The following ARMC8 variants were observed in gnomAD, a reference collection of about 807,000 sequenced individuals.
ARMC8 encodes the protein armadillo repeat-containing protein 8.
A neutral mutation model predicts 99.3 loss-of-function variants in ARMC8; 20 were observed. The observed-to-expected ratio is 0.20, with a 90% CI of 0.14 to 0.29. ARMC8 has a LOEUF of 0.29. ARMC8 is among the 10% of genes least tolerant of loss of function. The pLI, the probability that ARMC8 is intolerant of heterozygous loss-of-function variation, is 1.00. For synonymous variants in ARMC8, 263 were observed against 278.3 expected, an observed-to-expected ratio of 0.95 and a Z score of 0.55; for missense variants, 569 against 809.5, an observed-to-expected ratio of 0.70 and a Z score of 3.60.
chr3:138,199,906 T>G (rs550567843), intron 1 of ARMC8, among the ~76,000 whole-genome samples: 1 of 152,330 alleles, frequency 6.6e-6, no homozygotes, highest in South Asian at 2.1e-4. Context: ...TTTTTTGAAC[T>G]GAGGGTTTTG....
chr3:138,189,251 G>C (rs140491537), intron 1 of ARMC8, among the ~76,000 whole-genome samples: 1 of 149,790 alleles, frequency 6.7e-6, no homozygotes, highest in South Asian at 2.1e-4. Flanking sequence ...TTTAGGATTT[G>C]CCTTTAGCCC....
chr3:138,246,335 A>G (rs2046880068), intron 12 of ARMC8: 1 of 985,320 alleles, frequency 1.0e-6, no homozygotes. Flanking sequence ...GTGTATCCCT[A>G]TGAAAATCAT....
intron 17 of ARMC8, among the ~76,000 whole-genome samples, chr3:138,273,821 CTT>C (rs764799623): frequency 1.0e-4 from 15 of 145,098 alleles, no homozygotes; most frequent in Non-Finnish European, 7.6e-5. Context: ...ATGCTTCCCC[CTT>C]TTTTTTTTTT....
intron 6 of ARMC8, among the ~76,000 whole-genome samples, chr3:138,230,013 A>G (rs184469225): frequency 2.6e-5 from 4 of 152,324 alleles, no homozygotes; most frequent in Admixed American, 2.6e-4. Context: ...GAGTTTCTAC[A>G]TTGTAATTTA....
chr3:138,193,871 G>T (rs1450461920), intron 1 of ARMC8, among the ~76,000 whole-genome samples: 2 of 152,086 alleles, frequency 1.3e-5, no homozygotes, highest in African/African-American at 4.8e-5. Flanking sequence ...GAAAACTTAC[G>T]CTCTGTGAAA....
chr3:138,286,046 C>T (rs1049975364), intron 19 of ARMC8, among the ~76,000 whole-genome samples: 4 of 152,150 alleles, frequency 2.6e-5, no homozygotes, highest in African/African-American at 4.8e-5. Flanking sequence ...TAGGTTCAAG[C>T]GATTCTCCTG....
chr3:138,201,436 C>CTTTTTTTTTTTTT lies in ARMC8; in HGVS notation c.46-8352_46-8340dup, dbSNP rs58707271. Among the ~76,000 whole-genome samples the CTTTTTTTTTTTTT allele has an allele frequency of 2.0e-4, 13 of 64,994 alleles. 5 individuals are homozygous for CTTTTTTTTTTTTT. Among genetic ancestry groups the CTTTTTTTTTTTTT allele is most frequent in the Non-Finnish European group, 3.1e-4 (9 of 29,394 alleles). 42.6% of individuals were successfully genotyped at this position (64,994 alleles called of 152,430 possible). On this transcript the variant is annotated intron_variant, in intron 1 of 21. Coordinates refer to ENST00000469044, the MANE Select transcript of ARMC8 (RefSeq NM_001363941.2). ...TAGAGTCCTTGTCTTCTTCCCCTCC[C>CTTTTTTTTTTTTT]TTTTTTTTTTTTTTTTTTTTTTTTT... is the stretch of plus-strand genomic sequence containing the variant.
chr3:138,262,205 T>C, intron 12 of ARMC8: 1 of 196,596 alleles, frequency 5.1e-6, no homozygotes, highest in Non-Finnish European at 1.0e-5. Context: ...TATGAGGGAG[T>C]CACAAAGAGT....
At chr3:138,236,902 A>T (rs2046361649) in intron 7 of ARMC8, among the ~76,000 whole-genome samples, 1 of 152,180 alleles carries the variant, frequency 6.6e-6, no homozygotes. Flanking sequence ...ATTTTATTGT[A>T]ATATTGTTTC....
At chr3:138,243,367 G>C (rs551828575) in intron 11 of ARMC8, among the ~76,000 whole-genome samples, 1 of 152,224 alleles carries the variant, frequency 6.6e-6, no homozygotes, top group African/African-American at 2.4e-5. Flanking sequence ...ATTATCCAAA[G>C]GTTTCTGACC....
intron 2 of ARMC8, among the ~76,000 whole-genome samples, chr3:138,217,796 T>G (rs982838779): frequency 1.3e-5 from 2 of 152,352 alleles, no homozygotes; most frequent in Middle Eastern, 3.4e-3. Context: ...GATAATTCAG[T>G]GTGTACAAAG....
chr3:138,263,936 G>A, intron 13 of ARMC8, 115 bp downstream of exon 13: 1 of 1,099,752 alleles, frequency 9.1e-7, no homozygotes, highest in Middle Eastern at 2.0e-4. Flanking sequence ...AATCTGCTCA[G>A]GTGAATTCAT....
chr3:138,202,071 G>C (rs2044117125), intron 1 of ARMC8, among the ~76,000 whole-genome samples: 1 of 152,112 alleles, frequency 6.6e-6, no homozygotes. Context: ...AACTTTTGTA[G>C]AGTTCAAACT....
chr3:138,278,166 A>G (rs1228811392), intron 18 of ARMC8, among the ~76,000 whole-genome samples: 2 of 152,186 alleles, frequency 1.3e-5, no homozygotes, highest in Non-Finnish European at 2.9e-5. Flanking sequence ...GCAGTGATAG[A>G]ACTGCTCTGT....
intron 12 of ARMC8, among the ~76,000 whole-genome samples, chr3:138,261,154 T>C (rs111737843): frequency 2.6e-5 from 4 of 152,284 alleles, no homozygotes; most frequent in African/African-American, 9.6e-5. Flanking sequence ...GAAGATTAGG[T>C]AATTTGGAAA....
intron 1 of ARMC8, among the ~76,000 whole-genome samples, chr3:138,201,329 A>G (rs1230479842): frequency 6.8e-6 from 1 of 146,164 alleles, no homozygotes; most frequent in African/African-American, 2.6e-5. Flanking sequence ...ACTGTATACT[A>G]TATCATCGTA....
chr3:138,212,631 T>C (rs1372598666), intron 2 of ARMC8, among the ~76,000 whole-genome samples: 4 of 152,110 alleles, frequency 2.6e-5, no homozygotes, highest in African/African-American at 9.7e-5. Context: ...TAATACAATA[T>C]GTATAGAAAA....
intron 21 of ARMC8, among the ~76,000 whole-genome samples, chr3:138,295,339 G>A (rs2051380850): frequency 6.6e-6 from 1 of 152,214 alleles, no homozygotes; most frequent in African/African-American, 2.4e-5. Flanking sequence ...CCACGGTTCT[G>A]AGGCATGTGA....
At chr3:138,222,815 T>G (rs1490903772) in intron 3 of ARMC8, among the ~76,000 whole-genome samples, 3 of 152,064 alleles carry the variant, frequency 2.0e-5, no homozygotes, top group Admixed American at 6.5e-5. Flanking sequence ...TGGTTATAAG[T>G]GGAGGAAGGT....
Sources: gnomAD v4.1 joint callset for allele counts (sites outside exome capture counted in the v4.1 genomes callset) on GRCh38, gnomAD v4.1.1 for gene constraint, MANE v1.5 for transcripts, NCBI Gene and HGNC (gene_info 2026-07-23, HGNC 2026-07-21) for gene names.